Variants in LHFPL3 observed in about 807,000 individuals in gnomAD.
LHFPL3 encodes the protein LHFPL tetraspan subfamily member 3 protein.
A neutral mutation model predicts 19.3 loss-of-function variants in LHFPL3; 5 were observed. The observed-to-expected ratio is 0.26, with a 90% CI of 0.14 to 0.54. The LOEUF is 0.54. Ranked by LOEUF, LHFPL3 falls within the 20% of genes least tolerant of loss-of-function variation. LHFPL3 has a pLI of 0.94. For missense variants in LHFPL3, 249 were observed against 307.4 expected, an observed-to-expected ratio of 0.81 and a Z score of 1.42; for synonymous variants, 133 against 126.2, an observed-to-expected ratio of 1.05 and a Z score of -0.36.
In LHFPL3 at chr7:104,596,664, A is replaced by G. The variant is rs2115673098; in HGVS notation, c.446-140011A>G. Reference sequence around the variant, plus strand: ...CAGAAAACTCTTCAATAAACGTCATACCTGCCTTGGTAGTCACAGGATCTA... The same window carrying G: ...CAGAAAACTCTTCAATAAACGTCATGCCTGCCTTGGTAGTCACAGGATCTA... On this transcript the variant is annotated intron_variant, in intron 1 of 2. Coordinates refer to ENST00000424859, the MANE Select transcript of LHFPL3 (RefSeq NM_199000.3). 1.3e-5 allele frequency among the ~76,000 whole-genome samples: 2 copies of G among 152,362 alleles called. 1 individual carries two copies. Among genetic ancestry groups the G allele is most frequent in the South Asian group, 4.1e-4 (2 of 4,828 alleles).
intron 1 of LHFPL3, among the ~76,000 whole-genome samples, chr7:104,586,729 T>C (rs1790586486): frequency 6.6e-6 from 1 of 152,168 alleles, no homozygotes; most frequent in African/African-American, 2.4e-5. Flanking sequence ...CAACAGATGG[T>C]ACTGTGACTT....
chr7:104,575,586 A>C (rs968322952), intron 1 of LHFPL3, among the ~76,000 whole-genome samples: 28 of 143,640 alleles, frequency 1.9e-4, no homozygotes, highest in African/African-American at 6.4e-4. Context: ...AAAAAAAAAA[A>C]CAGAAACAAG....
chr7:104,736,639 T>C, intron 1 of LHFPL3, 36 bp from the exon 2 acceptor site: 1 of 1,387,194 alleles, frequency 7.2e-7, no homozygotes, highest in South Asian at 1.2e-5. Context: ...GACTTATCTT[T>C]TTTGTTTCTT....
At chr7:104,564,251 G>C (rs62487560) in intron 1 of LHFPL3, among the ~76,000 whole-genome samples, 2,522 of 152,256 alleles carry the variant, frequency 0.017, 54 homozygotes, top group East Asian at 0.12. Flanking sequence ...TCTACTGAAT[G>C]ATGTTTGGAG....
At chr7:104,500,166 T>C (rs1248731490) in intron 1 of LHFPL3, among the ~76,000 whole-genome samples, 1 of 152,152 alleles carries the variant, frequency 6.6e-6, no homozygotes, top group Admixed American at 6.6e-5. Flanking sequence ...CCCTAAGCCT[T>C]TCGTTTTAAT....
intron 1 of LHFPL3, among the ~76,000 whole-genome samples, chr7:104,682,947 AT>A (rs1792735673): frequency 6.6e-6 from 1 of 152,188 alleles, no homozygotes; most frequent in Non-Finnish European, 1.5e-5. Flanking sequence ...TTTCAGTTGT[AT>A]TTCAAGCAAA....
chr7:104,733,238 G>A (rs1793738179), intron 1 of LHFPL3, among the ~76,000 whole-genome samples: 1 of 152,156 alleles, frequency 6.6e-6, no homozygotes, highest in Non-Finnish European at 1.5e-5. Flanking sequence ...TGTCTATTAG[G>A]TCTGCTTGGT....
intron 1 of LHFPL3, among the ~76,000 whole-genome samples, chr7:104,722,885 T>C (rs1012161677): frequency 1.3e-5 from 2 of 152,162 alleles, no homozygotes; most frequent in African/African-American, 4.8e-5. Context: ...CAACAGTGCA[T>C]AGACTTTTTA....
At chr7:104,669,268 G>T in intron 1 of LHFPL3, 1 of 1,613,980 alleles carries the variant, frequency 6.2e-7, no homozygotes, top group East Asian at 2.2e-5. Context: ...AAGTGGTGGG[G>T]GAAAAGTAGC....
intron 2 of LHFPL3, among the ~76,000 whole-genome samples, chr7:104,782,650 T>C (rs772634438): frequency 3.3e-5 from 5 of 152,248 alleles, no homozygotes; most frequent in Non-Finnish European, 2.9e-5. Context: ...TATCACATCA[T>C]AGCACATCAC....
chr7:104,370,865 A>G (rs939545805), intron 1 of LHFPL3, among the ~76,000 whole-genome samples: 16 of 152,342 alleles, frequency 1.1e-4, no homozygotes, highest in African/African-American at 3.1e-4. Flanking sequence ...CTGGGCAACC[A>G]GAGCAAAACT....
Position 104,519,706 on chromosome 7 carries a change from G to C in LHFPL3, c.445+190482G>C, listed in dbSNP as rs1183661579. ...AACAGGACCAGGTCATGGCGTTAAT[G>C]ACTGTTTTGACTATTAACACTGTGG... is the stretch of plus-strand genomic sequence containing the variant. On this transcript the variant is annotated intron_variant, in intron 1 of 2. Coordinates refer to ENST00000424859, the MANE Select transcript of LHFPL3 (RefSeq NM_199000.3). Among the ~76,000 whole-genome samples the C allele has an allele frequency of 5.3e-5, 8 of 152,098 alleles. No homozygotes were observed. The East Asian group carries it at 1.5e-3, about 29-fold the overall frequency.
intron 1 of LHFPL3, among the ~76,000 whole-genome samples, chr7:104,377,587 G>C (rs1446166970): frequency 6.6e-6 from 1 of 152,186 alleles, no homozygotes; most frequent in Non-Finnish European, 1.5e-5. Flanking sequence ...AAACCATCTA[G>C]AGCAGAGGAC....
intron 1 of LHFPL3, among the ~76,000 whole-genome samples, chr7:104,675,718 C>T (rs924956989): frequency 2.0e-5 from 3 of 152,140 alleles, no homozygotes; most frequent in South Asian, 2.1e-4. Context: ...ATGTGGGGCA[C>T]GAGACAGACA....
intron 2 of LHFPL3, among the ~76,000 whole-genome samples, chr7:104,814,768 G>A (rs1790532986): frequency 6.6e-6 from 1 of 152,238 alleles, no homozygotes; most frequent in Non-Finnish European, 1.5e-5. Context: ...GCAGGGTGCT[G>A]GCGTGTCAGC....
rs116499628 is a variant in LHFPL3, at chr7:104,698,445, A to G, written c.446-38230A>G. The stretch of plus-strand genomic sequence containing the variant: ...CCTATAAGGAACAAAAGCACAGACA[A>G]TAAAAGACAAAATAGGTAAGTTGGA... On this transcript the variant is annotated intron_variant, in intron 1 of 2. Transcript: ENST00000424859. Among the ~76,000 whole-genome samples, 713 of 152,342 alleles carry G rather than the reference A, an allele frequency of 4.7e-3. 10 individuals are homozygous for G. Among genetic ancestry groups the G allele is most frequent in the African/African-American group, 0.015 (635 of 41,574 alleles).
chr7:104,823,392 T>C (rs371957603), intron 2 of LHFPL3, among the ~76,000 whole-genome samples: 3 of 152,150 alleles, frequency 2.0e-5, no homozygotes, highest in African/African-American at 7.2e-5. Flanking sequence ...CCAGGTGATC[T>C]CTTAAGGCCC....
In LHFPL3 at chr7:104,430,405, C is replaced by CGTGTAT. The variant is rs1554393164; in HGVS notation, c.445+101181_445+101182insGTGTAT. Among the ~76,000 whole-genome samples, 155 of 22,404 alleles carry CGTGTAT rather than the reference C, an allele frequency of 6.9e-3. 4 individuals are homozygous for CGTGTAT. Among genetic ancestry groups the CGTGTAT allele is most frequent in the African/African-American group, 0.023 (121 of 5,172 alleles). The allele number at this position is 22,404 out of a possible 152,430, so 14.7% of individuals were successfully genotyped here. On this transcript the variant is annotated intron_variant, in intron 1 of 2. Coordinates refer to ENST00000424859, the MANE Select transcript of LHFPL3 (RefSeq NM_199000.3). Reference sequence around the variant, plus strand: ...ATACATATATATATATATATATATACATATATATATATACATATATATATA... The same window carrying CGTGTAT: ...ATACATATATATATATATATATATACGTGTATATATATATATATACATATATATATA...
intron 2 of LHFPL3, among the ~76,000 whole-genome samples, chr7:104,792,488 GC>G (rs1317426262): frequency 6.6e-6 from 1 of 152,170 alleles, no homozygotes; most frequent in African/African-American, 2.4e-5. Context: ...TGACTAAATA[GC>G]TTTTTCACTA....
Sources: gnomAD v4.1 joint callset for allele counts (sites outside exome capture counted in the v4.1 genomes callset) on GRCh38, gnomAD v4.1.1 for gene constraint, MANE v1.5 for transcripts, NCBI Gene and HGNC (gene_info 2026-07-23, HGNC 2026-07-21) for gene names.